The following CNBD1 variants were observed in gnomAD, a reference collection of about 807,000 sequenced individuals.
CNBD1 encodes the protein cyclic nucleotide binding domain containing 1, also known as cyclic nucleotide-binding domain-containing protein 1.
A neutral mutation model predicts 54.4 loss-of-function variants in CNBD1; 71 were observed. That is an observed-to-expected ratio of 1.30 (90% CI 1.08 to 1.59). CNBD1 has a LOEUF of 1.59. CNBD1 is among the 40% of genes most tolerant of loss of function. The pLI, the probability that CNBD1 is intolerant of heterozygous loss-of-function variation, is 0.00. For synonymous variants in CNBD1, 182 were observed against 170.7 expected (o/e 1.07, Z -0.51); for missense variants, 659 against 518.0 (o/e 1.27, Z -2.64).
intron 3 of CNBD1, among the ~76,000 whole-genome samples, chr8:86,923,369 A>G (rs149435023): frequency 2.6e-3 from 402 of 152,276 alleles, no homozygotes; most frequent in African/African-American, 8.9e-3. Flanking sequence ...TTCCCTTTCT[A>G]TCTGAGACAT....
intron 10 of CNBD1, among the ~76,000 whole-genome samples, chr8:87,361,325 C>T (rs377676788): frequency 7.3e-5 from 11 of 151,696 alleles, no homozygotes; most frequent in African/African-American, 2.7e-4. Context: ...CAAAGCTTGA[C>T]AAAATGCTAA....
chr8:87,344,339 TAAG>T (rs1225301499), intron 8 of CNBD1, among the ~76,000 whole-genome samples: 1 of 152,012 alleles, frequency 6.6e-6, no homozygotes, highest in Non-Finnish European at 1.5e-5. Context: ...AGAGATGTAT[TAAG>T]AAGGAGTTTA....
intron 2 of CNBD1, 98 bp downstream of exon 2, chr8:86,887,709 G>GAGGT: frequency 2.4e-6 from 2 of 819,518 alleles, no homozygotes; most frequent in Non-Finnish European, 1.9e-6. Flanking sequence ...CTGGCTCTCA[G>GAGGT]AGGTACCTGA....
At chr8:87,337,085 A>G (rs1809958395) in intron 8 of CNBD1, among the ~76,000 whole-genome samples, 1 of 152,080 alleles carries the variant, frequency 6.6e-6, no homozygotes, top group Admixed American at 6.6e-5. Flanking sequence ...TTCCTCTGCG[A>G]TCTCTGACCT....
At chr8:87,317,888 T>C (rs566602189) in intron 8 of CNBD1, among the ~76,000 whole-genome samples, 1 of 123,326 alleles carries the variant, frequency 8.1e-6, no homozygotes, top group East Asian at 2.1e-4. Flanking sequence ...TGTATGTGTA[T>C]ATACTTGATT....
At chr8:87,328,875 A>G (rs531885636) in intron 8 of CNBD1, among the ~76,000 whole-genome samples, 3 of 152,222 alleles carry the variant, frequency 2.0e-5, no homozygotes, top group South Asian at 4.1e-4. Flanking sequence ...TGTAAATTAG[A>G]ACATTTTCTT....
At chr8:87,337,635 T>A (rs567346502) in intron 8 of CNBD1, among the ~76,000 whole-genome samples, 45 of 152,340 alleles carry the variant, frequency 3.0e-4, no homozygotes, top group South Asian at 6.2e-4. Context: ...ATCTGTTGGT[T>A]GCACACTTTT....
intron 4 of CNBD1, among the ~76,000 whole-genome samples, chr8:87,098,599 A>T (rs536689034): frequency 5.3e-5 from 8 of 152,278 alleles, no homozygotes; most frequent in African/African-American, 1.9e-4. Context: ...AAATCAGAAT[A>T]CATATTAGGA....
At chr8:87,131,162 A>T (rs1418398782) in intron 4 of CNBD1, among the ~76,000 whole-genome samples, 1 of 152,052 alleles carries the variant, frequency 6.6e-6, no homozygotes, top group Non-Finnish European at 1.5e-5. Flanking sequence ...TGGAATCCTT[A>T]GTTCATTTGC....
At chr8:87,217,354 A>T (rs1229589347) in intron 5 of CNBD1, among the ~76,000 whole-genome samples, 1 of 152,056 alleles carries the variant, frequency 6.6e-6, no homozygotes, top group African/African-American at 2.4e-5. Flanking sequence ...CCATAAGGGG[A>T]TACAGTTTTA....
chr8:87,122,333 G>T (rs1226094239), intron 4 of CNBD1, among the ~76,000 whole-genome samples: 5 of 151,640 alleles, frequency 3.3e-5, no homozygotes, highest in African/African-American at 9.7e-5. Flanking sequence ...CATGCATCTG[G>T]TGGAAATTTG....
chr8:87,087,261 AC>A (rs1330681441), intron 4 of CNBD1, among the ~76,000 whole-genome samples: 1 of 142,276 alleles, frequency 7.0e-6, no homozygotes, highest in Non-Finnish European at 1.5e-5. Context: ...ATATATATAT[AC>A]ATATATATAT....
At chr8:87,388,713 T>C (rs541320872) in intron 2 of CNBD1, among the ~76,000 whole-genome samples, 5 of 152,190 alleles carry the variant, frequency 3.3e-5, no homozygotes, top group African/African-American at 1.2e-4. Flanking sequence ...ACTATTCCAA[T>C]CAATAGAAAA....
intron 4 of CNBD1, among the ~76,000 whole-genome samples, chr8:87,050,905 A>G (rs1183392391): frequency 6.6e-6 from 1 of 152,048 alleles, no homozygotes; most frequent in East Asian, 1.9e-4. Flanking sequence ...TGTAGGGGGT[A>G]TTGTTTCTGC....
Position 86,866,501 on chromosome 8 carries a change from G to T in CNBD1, c.6G>T (p.Pro2=). Residue 2 remains proline (P), a synonymous_variant, in exon 1 of 11, where the codon CCG becomes CCT. Transcript: ENST00000518476. The part of the protein sequence containing the change: M[P]MSSLPAAILS... ...TCTGCCTTTGAGCCATCAAGATGCC[G>T]ATGTCTTCTCTTCCAGCAGCTATTT... is the stretch of plus-strand genomic sequence containing the variant. 2.5e-6 allele frequency: 4 copies of T among 1,610,232 alleles called. No homozygotes were observed. The highest frequency in any genetic ancestry group is 3.4e-6 in the Non-Finnish European group (4 of 1,178,236).
intron 2 of CNBD1, among the ~76,000 whole-genome samples, chr8:87,390,721 C>T (rs986042209): frequency 6.6e-6 from 1 of 152,078 alleles, no homozygotes. Context: ...TACCATTTGA[C>T]CCAGCCATCC....
intron 1 of CNBD1, among the ~76,000 whole-genome samples, chr8:86,884,009 G>A (rs528415490): frequency 2.0e-5 from 3 of 151,838 alleles, no homozygotes; most frequent in African/African-American, 7.2e-5. Context: ...AAAATTAGCC[G>A]GGCGTAGTGG....
intron 4 of CNBD1, among the ~76,000 whole-genome samples, chr8:87,096,618 T>A (rs1811325528): frequency 6.6e-6 from 1 of 151,906 alleles, no homozygotes; most frequent in African/African-American, 2.4e-5. Flanking sequence ...GCCACTTTCC[T>A]TCCACACATG....
chr8:86,980,651 G>A (rs1808466728), intron 4 of CNBD1, among the ~76,000 whole-genome samples: 2 of 152,108 alleles, frequency 1.3e-5, no homozygotes, highest in Non-Finnish European at 2.9e-5. Context: ...CCGTGTTTTA[G>A]GAAGCAAATT....
Sources: allele counts gnomAD v4.1 joint callset (sites outside exome capture counted in the v4.1 genomes callset), GRCh38; gene constraint gnomAD v4.1.1; transcripts MANE v1.5; gene names NCBI Gene and HGNC (gene_info 2026-07-23, HGNC 2026-07-21).